Variants in KCMF1 observed in about 807,000 individuals in gnomAD.
KCMF1 encodes the protein E3 ubiquitin-protein ligase KCMF1.
In KCMF1, 3 loss-of-function variants were observed where a neutral mutation model predicts 41.1. The observed-to-expected ratio is 0.07, with a 90% confidence interval of 0.03 to 0.19. The LOEUF (loss-of-function observed/expected upper bound fraction) is 0.19, where lower values mean the gene tolerates loss of function less well. Among genes scored for constraint, KCMF1 ranks in the 10% least tolerant of loss-of-function variants. The pLI is 1.00. For missense variants in KCMF1, 286 were observed against 488.9 expected, an observed-to-expected ratio of 0.58 and a Z score of 3.91; for synonymous variants, 142 against 164.5, an observed-to-expected ratio of 0.86 and a Z score of 1.04.
chr2:84,978,333 G>A (rs1673605685), intron 1 of KCMF1, among the ~76,000 whole-genome samples: 1 of 152,104 alleles, frequency 6.6e-6, no homozygotes, highest in Non-Finnish European at 1.5e-5. Flanking sequence ...CTTTTTCACA[G>A]TAGCAGCTTA....
intron 1 of KCMF1, among the ~76,000 whole-genome samples, chr2:85,004,443 T>C (rs1574018211): frequency 6.6e-6 from 1 of 150,912 alleles, no homozygotes; most frequent in Non-Finnish European, 1.5e-5. Context: ...ACCCAGGAGG[T>C]GGAGTTTGCA....
At chr2:84,993,585 T>G (rs996131285) in intron 1 of KCMF1, among the ~76,000 whole-genome samples, 2 of 151,858 alleles carry the variant, frequency 1.3e-5, no homozygotes, top group Non-Finnish European at 2.9e-5. Context: ...ATTTATTTAT[T>G]TATTTTTGAG....
chr2:85,019,803 T>G (rs949905775), intron 1 of KCMF1, among the ~76,000 whole-genome samples: 3 of 151,876 alleles, frequency 2.0e-5, no homozygotes, highest in Admixed American at 6.6e-5. Flanking sequence ...TATATGTGTG[T>G]GTATATATAC....
At chr2:85,051,538 G>C (rs1402249357) in intron 6 of KCMF1, among the ~76,000 whole-genome samples, 1 of 151,882 alleles carries the variant, frequency 6.6e-6, no homozygotes, top group African/African-American at 2.4e-5. Flanking sequence ...TCTGAGTGCT[G>C]TCTGTGGATT....
In KCMF1 at chr2:84,998,924, A is replaced by G. The variant is rs1191520008; in HGVS notation, c.16+27457A>G. Among the ~76,000 whole-genome samples the G allele has an allele frequency of 4.8e-4, 27 of 56,674 alleles. 1 individual carries two copies. The South Asian group carries it at 0.02, about 42-fold the overall frequency. 37.2% of individuals were successfully genotyped at this position (56,674 alleles called of 152,430 possible). A position where few individuals can be genotyped will look rare whatever the true frequency, so the allele number is the denominator to read the frequency against. On this transcript the variant is annotated intron_variant, in intron 1 of 6. Transcript: ENST00000409785. ...ACTGTGCTGGGCCTCTTACCTATCT[A>G]TCTATCTATCTATCTATCTATCTAT...
At chr2:84,982,389 CTTTTTTTTTTTTTTTT>C (rs34687477) in intron 1 of KCMF1, among the ~76,000 whole-genome samples, 40 of 47,266 alleles carry the variant, frequency 8.5e-4, no homozygotes, top group Admixed American at 1.5e-3. Context: ...TCCTTATTTT[CTTTTTTTTTTTTTTTT>C]TTTTTTTTTT....
rs1485556180 is a variant in KCMF1 at position 85,058,986 on chromosome 2, C to A, written c.*5577C>A. On this transcript the variant is annotated 3_prime_UTR_variant, in exon 7 of 7. Coordinates refer to ENST00000409785, the MANE Select transcript of KCMF1 (RefSeq NM_020122.5). ...TAAGGTTTTCTTGAGGTAGATGCAG[C>A]AATATTCCTGGGGTAAGATTCTATA... The A allele has an allele frequency of 6.6e-6, 1 of 152,096 alleles. No individual in the cohort carries two copies. The highest frequency in any genetic ancestry group is 6.6e-5 in the Admixed American group (1 of 15,264). The allele number at this position is 152,096 out of a possible 1,614,324, so 9.4% of individuals were successfully genotyped here.
intron 6 of KCMF1, among the ~76,000 whole-genome samples, chr2:85,050,334 A>G (rs2104066796): frequency 6.6e-6 from 1 of 152,328 alleles, no homozygotes; most frequent in Non-Finnish European, 1.5e-5. Context: ...TATTAAAAGT[A>G]TAAGAAGGAT....
chr2:84,979,782 A>C (rs577581182), intron 1 of KCMF1, among the ~76,000 whole-genome samples: 95 of 152,114 alleles, frequency 6.2e-4, no homozygotes, highest in Non-Finnish European at 1.2e-3. Flanking sequence ...TTGAGAAAAG[A>C]ACCCGTAAGC....
chr2:85,045,888 T>TAC (rs143814912), intron 4 of KCMF1, among the ~76,000 whole-genome samples: 32 of 151,832 alleles, frequency 2.1e-4, no homozygotes, highest in South Asian at 4.2e-4. Flanking sequence ...ACACACCCAA[T>TAC]ACACACACAC....
At chr2:85,017,446 A>C (rs887584659) in intron 1 of KCMF1, among the ~76,000 whole-genome samples, 13 of 152,326 alleles carry the variant, frequency 8.5e-5, no homozygotes, top group Non-Finnish European at 1.3e-4. Context: ...TATCAAAATT[A>C]TATAGCCTAT....
At position 84,978,231 on chromosome 2, in the gene KCMF1, A is replaced by C. The variant is rs556192950; in HGVS notation, c.16+6764A>C. Among the ~76,000 whole-genome samples the C allele has an allele frequency of 2.6e-5, 4 of 152,230 alleles. No individual in the cohort carries two copies. In the East Asian group the frequency reaches 7.7e-4, roughly 29 times the overall value. ...AGGCTGGTCTTGAACTCCCGACCTC[A>C]GGTCATCCACCCGCCTCGGCCTCCC... On this transcript the variant is annotated intron_variant, in intron 1 of 6. Coordinates refer to ENST00000409785, the MANE Select transcript of KCMF1 (RefSeq NM_020122.5).
intron 1 of KCMF1, among the ~76,000 whole-genome samples, chr2:85,019,239 T>C (rs765530706): frequency 1.3e-3 from 199 of 152,296 alleles, no homozygotes; most frequent in Non-Finnish European, 1.3e-3. Context: ...TTTCCTCCCA[T>C]AGGAACTTTA....
chr2:85,026,874 C>G (rs2104027153), intron 1 of KCMF1, among the ~76,000 whole-genome samples: 1 of 152,312 alleles, frequency 6.6e-6, no homozygotes, highest in African/African-American at 2.4e-5. Flanking sequence ...CTAGTTCTTT[C>G]TGATGGTGCT....
At chr2:85,008,350 A>C (rs1310578012) in intron 1 of KCMF1, among the ~76,000 whole-genome samples, 1,420 of 111,950 alleles carry the variant, frequency 0.013, 109 homozygotes, top group African/African-American at 0.047. Context: ...GATATATAAT[A>C]TATAATATAT....
intron 1 of KCMF1, among the ~76,000 whole-genome samples, chr2:85,026,624 G>T (rs1462864985): frequency 6.6e-6 from 1 of 151,636 alleles, no homozygotes; most frequent in Non-Finnish European, 1.5e-5. Flanking sequence ...AAGTAGCTAA[G>T]GCTACAGGCA....
intron 1 of KCMF1, among the ~76,000 whole-genome samples, chr2:85,015,200 C>A (rs889879759): frequency 2.0e-5 from 3 of 149,240 alleles, no homozygotes; most frequent in Non-Finnish European, 3.0e-5. Context: ...ACACATTAAT[C>A]CCCCCCGCTT....
Position 84,972,761 on chromosome 2 carries a change from C to A in KCMF1, c.16+1294C>A, listed in dbSNP as rs189757155. On this transcript the variant is annotated intron_variant, in intron 1 of 6. Coordinates refer to ENST00000409785, the MANE Select transcript of KCMF1 (RefSeq NM_020122.5). ...GTTTCAAAATTCGCATTACTAATTG[C>A]GACGTTGAAATTGACTCAACATTCT... Among the ~76,000 whole-genome samples, 5 of 152,254 alleles carry A rather than the reference C, an allele frequency of 3.3e-5. No individual in the cohort carries two copies. The East Asian group carries it at 5.8e-4, about 18-fold the overall frequency.
intron 3 of KCMF1, among the ~76,000 whole-genome samples, chr2:85,042,236 C>G (rs1341854466): frequency 6.6e-6 from 1 of 152,178 alleles, no homozygotes; most frequent in Non-Finnish European, 1.5e-5. Context: ...ATCAGGACAG[C>G]TGATTAGGCA....
Sources: gnomAD v4.1 joint callset for allele counts (sites outside exome capture counted in the v4.1 genomes callset) on GRCh38, gnomAD v4.1.1 for gene constraint, MANE v1.5 for transcripts, NCBI Gene and HGNC (gene_info 2026-07-23, HGNC 2026-07-21) for gene names.